CLASP1: variants seen among roughly 807,000 people sequenced by gnomAD.
CLASP1 encodes CLIP-associating protein 1.
In CLASP1, 38 loss-of-function variants were observed where a neutral mutation model predicts 192.3. The ratio of observed to expected loss-of-function variants is 0.20; its 90% CI spans 0.15 to 0.26. The LOEUF (loss-of-function observed/expected upper bound fraction) is 0.26. CLASP1 is among the 10% of genes least tolerant of loss of function. CLASP1 has a pLI of 1.00. For synonymous variants in CLASP1, 691 were observed against 712.8 expected, an observed-to-expected ratio of 0.97 and a Z score of 0.49; for missense variants, 1,433 against 1,932.5, an observed-to-expected ratio of 0.74 and a Z score of 4.85.
intron 8 of CLASP1, among the ~76,000 whole-genome samples, chr2:121,500,340 A>T (rs933432476): frequency 5.3e-5 from 7 of 131,624 alleles, no homozygotes; most frequent in Non-Finnish European, 1.6e-5. Context: ...GAAGGAAAGA[A>T]AGAAAAAGAA....
intron 39 of CLASP1, among the ~76,000 whole-genome samples, chr2:121,346,543 G>A (rs904344587): frequency 6.6e-6 from 1 of 152,204 alleles, no homozygotes; most frequent in African/African-American, 2.4e-5. Context: ...GGTCTGTGCC[G>A]TGGGGCACGT....
chr2:121,339,124 C>G (rs2062580023), exon 40 of CLASP1: 1 of 144,116 alleles, frequency 6.9e-6, no homozygotes. Flanking sequence ...CACAAACACA[C>G]ACAACACCAC....
intron 39 of CLASP1, among the ~76,000 whole-genome samples, chr2:121,345,327 C>T (rs1029098363): frequency 1.3e-5 from 2 of 152,074 alleles, no homozygotes; most frequent in African/African-American, 4.8e-5. Context: ...GTGGCAGCAG[C>T]GGGTCAATTG....
At chr2:121,590,757 T>C (rs958252092) in intron 2 of CLASP1, among the ~76,000 whole-genome samples, 1 of 152,182 alleles carries the variant, frequency 6.6e-6, no homozygotes, top group Non-Finnish European at 1.5e-5. Context: ...TCCCAAGCTA[T>C]ATGTATAAAT....
chr2:121,546,967 T>C (rs191219834), intron 2 of CLASP1, among the ~76,000 whole-genome samples: 24 of 152,300 alleles, frequency 1.6e-4, no homozygotes, highest in Admixed American at 1.6e-3. Flanking sequence ...TGTGCCTTCC[T>C]GGGACAGAGC....
At chr2:121,563,944 G>A (rs1162878199) in intron 2 of CLASP1, among the ~76,000 whole-genome samples, 1 of 152,216 alleles carries the variant, frequency 6.6e-6, no homozygotes, top group East Asian at 1.9e-4. Context: ...GGAGGAGCAA[G>A]TCATGTCTTA....
chr2:121,354,163 G>A (rs749411813), intron 37 of CLASP1, among the ~76,000 whole-genome samples: 4 of 152,164 alleles, frequency 2.6e-5, no homozygotes, highest in Non-Finnish European at 5.9e-5. Flanking sequence ...TTTTCCTAAG[G>A]AGCTAGCACA....
At chr2:121,448,094 G>T (rs143790759) in intron 18 of CLASP1, among the ~76,000 whole-genome samples, 182 bp downstream of exon 18, 1 of 152,248 alleles carries the variant, frequency 6.6e-6, no homozygotes, top group African/African-American at 2.4e-5. Context: ...CCTCAGCAGC[G>T]AGTGGCCCTG....
intron 8 of CLASP1, among the ~76,000 whole-genome samples, chr2:121,492,404 A>AAG (rs1553592647): frequency 1.0e-4 from 15 of 148,002 alleles, no homozygotes; most frequent in African/African-American, 3.1e-4. Context: ...AAAAAAAAAA[A>AAG]AAAAAAAAAA....
chr2:121,571,614 A>C (rs58496068), intron 2 of CLASP1, among the ~76,000 whole-genome samples: 96 of 152,286 alleles, frequency 6.3e-4, no homozygotes, highest in African/African-American at 2.3e-3. Flanking sequence ...GGGAGCAAGC[A>C]ATTTTAACTG....
intron 2 of CLASP1, among the ~76,000 whole-genome samples, chr2:121,599,294 G>GA (rs201508704): frequency 0.051 from 6,831 of 134,438 alleles, 182 homozygotes; most frequent in East Asian, 0.16. Context: ...AGCCCTTAAA[G>GA]AAAAAAAAAA....
chr2:121,433,858 A>G (rs928543708), intron 19 of CLASP1, among the ~76,000 whole-genome samples: 2 of 152,264 alleles, frequency 1.3e-5, no homozygotes, highest in Admixed American at 1.3e-4. Flanking sequence ...TACTAGCTGC[A>G]TAAAACCAGT....
chr2:121,498,336 C>A (rs147339436), intron 8 of CLASP1, among the ~76,000 whole-genome samples: 3,361 of 151,962 alleles, frequency 0.022, 58 homozygotes, highest in Non-Finnish European at 0.035. Flanking sequence ...ACCACCCCCC[C>A]AGCTGGGACT....
At chr2:121,582,276 GGAGAGA>G (rs113201966) in intron 2 of CLASP1, among the ~76,000 whole-genome samples, 14 of 146,000 alleles carry the variant, frequency 9.6e-5, no homozygotes, top group Non-Finnish European at 1.5e-4. Flanking sequence ...GACAGGAAAG[GGAGAGA>G]GAGAGAGAGA....
chr2:121,342,977 G>A (rs1007017369), intron 39 of CLASP1, among the ~76,000 whole-genome samples: 6 of 152,114 alleles, frequency 3.9e-5, no homozygotes, highest in Non-Finnish European at 5.9e-5. Context: ...TGCCCAGGCT[G>A]GTTTGGAGCT....
chr2:121,404,474 T>C (rs1357949906), intron 25 of CLASP1, 40 bp from the exon 27 acceptor site: 4 of 1,547,420 alleles, frequency 2.6e-6, no homozygotes, highest in Admixed American at 1.9e-5. Context: ...TTTACTACTT[T>C]TATTATTTTT....
At chr2:121,462,429 T>C (rs2088279379) in intron 10 of CLASP1, 103 bp downstream of exon 10, 1 of 654,362 alleles carries the variant, frequency 1.5e-6, no homozygotes, top group Middle Eastern at 4.1e-4. Context: ...ACAGTTAAAA[T>C]TACCTGACCT....
chr2:121,448,027 G>A (rs1157087591), intron 18 of CLASP1, among the ~76,000 whole-genome samples: 1 of 152,234 alleles, frequency 6.6e-6, no homozygotes, highest in Non-Finnish European at 1.5e-5. Context: ...AACATGCAGG[G>A]GAGGTGGAGA....
chr2:121,615,148 T>C (rs1395543135), intron 1 of CLASP1, among the ~76,000 whole-genome samples: 1 of 152,154 alleles, frequency 6.6e-6, no homozygotes, highest in East Asian at 1.9e-4. Flanking sequence ...GAGACCAGCC[T>C]GGCCAACATG....
Sources: allele counts gnomAD v4.1 joint callset (sites outside exome capture counted in the v4.1 genomes callset), GRCh38; gene constraint gnomAD v4.1.1; transcripts MANE v1.5; gene names NCBI Gene and HGNC (gene_info 2026-07-23, HGNC 2026-07-21).